Variants in CERS5 observed in about 807,000 individuals in gnomAD.
CERS5 encodes LAG1 homolog, ceramide synthase 5.
In CERS5, 37 loss-of-function variants were observed where a neutral mutation model predicts 58.9. That is an observed-to-expected ratio of 0.63 (90% CI 0.48 to 0.83). The LOEUF (loss-of-function observed/expected upper bound fraction) is 0.83, where lower values mean the gene tolerates loss of function less well. Ranked by LOEUF, CERS5 falls within the 40% of genes least tolerant of loss-of-function variation. The pLI, the probability that CERS5 is intolerant of heterozygous loss-of-function variation, is 0.00. For synonymous variants in CERS5, 147 were observed against 177.8 expected (o/e 0.83, Z 1.38); for missense variants, 398 against 489.3 (o/e 0.81, Z 1.76).
In CERS5 at chr12:50,130,584, C is replaced by A; in HGVS notation, c.1140G>T (p.Val380=). 6.2e-7 allele frequency: 1 copy of A among 1,612,284 alleles called. No individual in the cohort carries two copies. Among genetic ancestry groups the A allele is most frequent in the Non-Finnish European group, 8.5e-7 (1 of 1,178,466 alleles). ...DSSSSNGANR[V]NGHMGGSYWA... is the part of the protein sequence containing the mutation. ...AGTAGCTGCCTCCCATGTGACCATTCACCCGATTGGCACCATTGCTGGAGC... is the reference window on the plus strand; with the variant it reads ...AGTAGCTGCCTCCCATGTGACCATTAACCCGATTGGCACCATTGCTGGAGC... The change falls in exon 10 of 10, where the codon GTG becomes GTT. Residue 380 remains valine, a synonymous_variant. Transcript: ENST00000317551.
In CERS5 at chr12:50,167,182, T is replaced by A. The variant is rs539187250; in HGVS notation, c.116A>T (p.Tyr39Phe). 84 of 1,602,586 alleles carry A rather than the reference T, an allele frequency of 5.2e-5. No individual in the cohort carries two copies. In the South Asian group the frequency reaches 8.9e-4, roughly 17 times the overall value. Residue 39 changes from tyrosine (Y) to phenylalanine (F), a missense_variant, in exon 1 of 10, where the codon TAC becomes TTC. This residue lies in a region of CERS5 where 328 missense variants were observed against 384.5 expected (regional missense o/e 0.85). Transcript: ENST00000317551. ...WADLEGPADGYGYPRGRHILS... is the reference protein window; with the variant it reads ...WADLEGPADGFGYPRGRHILS... ...GATGTGCCGGCCGCGGGGGTAACCG[T>A]AGCCGTCGGCCGGCCCCTCCAGATC...
intron 9 of CERS5, chr12:50,132,950 A>AGAT: frequency 7.8e-7 from 1 of 1,289,080 alleles, no homozygotes; most frequent in Non-Finnish European, 1.0e-6. Flanking sequence ...CTAGAAGCAC[A>AGAT]GATACACTTA....
At position 50,143,953 on chromosome 12, in the gene CERS5, T is replaced by C; in HGVS notation, c.302A>G (p.Lys101Arg). Residue 101 changes from lysine to arginine, a missense_variant and splice_region_variant, in exon 2 of 10, where the codon AAG (lysine) becomes AGG (arginine). Lys to Arg is a conservative substitution (Grantham distance 26). Around this residue, in one of 3 missense-constraint regions of CERS5, gnomAD observed 328 missense variants for 384.5 expected, o/e 0.85. Coordinates refer to ENST00000317551, the MANE Select transcript of CERS5 (RefSeq NM_147190.5). ...CTCTCTGTTTCTTTGCCCACTTACC[T>C]TGGTAATAGATATGAACACCTTTTC... is the stretch of plus-strand genomic sequence containing the variant. ...ILEKVFISITKYPDKKRLEGL... is the reference protein window; with the variant it reads ...ILEKVFISITRYPDKKRLEGL... The C allele has an allele frequency of 6.3e-7, 1 of 1,582,938 alleles. No individual in the cohort carries two copies. The highest frequency in any genetic ancestry group is 8.7e-7 in the Non-Finnish European group (1 of 1,151,872).
intron 1 of CERS5, chr12:50,148,695 G>A: frequency 1.1e-5 from 2 of 188,872 alleles, no homozygotes; most frequent in South Asian, 1.2e-4. Flanking sequence ...TCAGGAGTTT[G>A]AAACCAGCCT....
At position 50,150,189 on chromosome 12, in the gene CERS5, G is replaced by A. The variant is rs138777503; in HGVS notation, c.198-6132C>T. Among the ~76,000 whole-genome samples, 1,202 of 152,172 alleles carry A rather than the reference G, an allele frequency of 7.9e-3. 13 individuals carry two copies. The highest frequency in any genetic ancestry group is 0.026 in the African/African-American group (1,090 of 41,502). On this transcript the variant is annotated intron_variant, in intron 1 of 9. Coordinates refer to ENST00000317551, the MANE Select transcript of CERS5 (RefSeq NM_147190.5). ...AGTCTGGGCAACATGGTGAGACCCC[G>A]TCTCTACAAAAAATTTTAAAAATTA...
chr12:50,153,828 C>T (rs770943305), intron 1 of CERS5: 12 of 410,712 alleles, frequency 2.9e-5, no homozygotes, highest in African/African-American at 2.1e-5. Flanking sequence ...ATGGCGCATA[C>T]CCATAATCCC....
At chr12:50,152,808 G>GCCGGTAATCC (rs1194827095) in intron 1 of CERS5, among the ~76,000 whole-genome samples, 3 of 152,080 alleles carry the variant, frequency 2.0e-5, no homozygotes, top group African/African-American at 4.8e-5. Context: ...AGTGGCTCAT[G>GCCGGTAATCC]CCTGTAATCC....
At chr12:50,164,266 A>ATT (rs34566112) in intron 1 of CERS5, among the ~76,000 whole-genome samples, 35 of 141,946 alleles carry the variant, frequency 2.5e-4, no homozygotes, top group Non-Finnish European at 3.7e-4. Flanking sequence ...CGCTCTCCCA[A>ATT]TTTTTTTTTT....
At chr12:50,164,724 C>A (rs954635590) in intron 1 of CERS5, among the ~76,000 whole-genome samples, 8 of 152,126 alleles carry the variant, frequency 5.3e-5, no homozygotes, top group Non-Finnish European at 1.0e-4. Flanking sequence ...AGAATTCCCA[C>A]AGGTAAAGGA....
At chr12:50,143,234 C>T (rs1307960528) in intron 2 of CERS5, 30 bp from the exon 3 acceptor site, 2 of 1,613,014 alleles carry the variant, frequency 1.2e-6, no homozygotes, top group Admixed American at 1.7e-5. Context: ...GTCAGAACAC[C>T]CGTCTCCTCA....
intron 1 of CERS5, among the ~76,000 whole-genome samples, chr12:50,164,283 T>A (rs894177026): frequency 2.6e-5 from 4 of 151,418 alleles, no homozygotes; most frequent in South Asian, 2.1e-4. Flanking sequence ...TTTTTTTTTT[T>A]AATTAGCTGG....
At chr12:50,131,607 A>AAGAT (rs1286015494) in intron 9 of CERS5, among the ~76,000 whole-genome samples, 4 of 151,690 alleles carry the variant, frequency 2.6e-5, no homozygotes, top group African/African-American at 9.7e-5. Flanking sequence ...CAGCATCCCC[A>AAGAT]AGATACACAG....
chr12:50,152,807 T>G (rs1163481224), intron 1 of CERS5, among the ~76,000 whole-genome samples: 1 of 152,058 alleles, frequency 6.6e-6, no homozygotes, highest in Non-Finnish European at 1.5e-5. Flanking sequence ...CAGTGGCTCA[T>G]GCCTGTAATC....
chr12:50,132,174 C>T (rs561945426), intron 9 of CERS5, among the ~76,000 whole-genome samples: 1 of 150,852 alleles, frequency 6.6e-6, no homozygotes, highest in Non-Finnish European at 1.5e-5. Flanking sequence ...CTGAAGTGGG[C>T]GCATCACCTG....
At chr12:50,135,868 G>A in intron 7 of CERS5, 30 bp from the exon 8 acceptor site, 4 of 1,601,106 alleles carry the variant, frequency 2.5e-6, no homozygotes, top group Non-Finnish European at 3.4e-6. Flanking sequence ...ATTGAGCTGG[G>A]GAGAAAGTCA....
chr12:50,143,374 A>G, intron 2 of CERS5, 170 bp from the exon 3 acceptor site: 2 of 682,064 alleles, frequency 2.9e-6, no homozygotes, highest in Non-Finnish European at 4.9e-6. Context: ...CTTACATATC[A>G]AGGACCTGTA....
chr12:50,143,896 G>T, intron 2 of CERS5, 56 bp downstream of exon 2: 2 of 1,064,756 alleles, frequency 1.9e-6, no homozygotes, highest in Non-Finnish European at 2.9e-6. Context: ...ATCCTCCCCT[G>T]CCCCATGGAG....
intron 1 of CERS5, among the ~76,000 whole-genome samples, chr12:50,149,962 T>C (rs1340070000): frequency 2.6e-5 from 4 of 152,146 alleles, no homozygotes; most frequent in African/African-American, 9.6e-5. Flanking sequence ...AGGCTGGTCT[T>C]GAGCTCCTGA....
At chr12:50,132,582 G>A (rs1951387820) in intron 9 of CERS5, among the ~76,000 whole-genome samples, 1 of 152,160 alleles carries the variant, frequency 6.6e-6, no homozygotes, top group Admixed American at 6.5e-5. Context: ...CTGTTGCCAA[G>A]GAGGTGGGCA....
Sources: allele counts gnomAD v4.1 joint callset (sites outside exome capture counted in the v4.1 genomes callset), GRCh38; gene constraint gnomAD v4.1.1; regional missense constraint gnomAD v4.1.1; transcripts MANE v1.5; gene names NCBI Gene and HGNC (gene_info 2026-07-23, HGNC 2026-07-21).